EVC: variants seen among roughly 807,000 people sequenced by gnomAD.
The protein encoded by EVC is EvC ciliary complex subunit 1.
Under a neutral mutation model 118.9 loss-of-function variants are expected in EVC, and 116 were observed. The observed-to-expected ratio is 0.98, with a 90% CI of 0.84 to 1.14. EVC has a LOEUF of 1.14. Among genes scored for constraint, EVC ranks in the 50% most tolerant of loss-of-function variants. The pLI, the probability that EVC is intolerant of heterozygous loss-of-function variation, is 0.00. For missense variants in EVC, 1,401 were observed against 1,246.4 expected (o/e 1.12, Z -1.87); for synonymous variants, 619 against 534.7 (o/e 1.16, Z -2.18).
At chr4:5,744,354 G>A (rs1439616452) in intron 6 of EVC, among the ~76,000 whole-genome samples, 3 of 152,142 alleles carry the variant, frequency 2.0e-5, no homozygotes, top group South Asian at 2.1e-4. Flanking sequence ...TTATATCAAT[G>A]TTATTTTTCC....
chr4:5,728,074 A>G (rs546414046), intron 2 of EVC, among the ~76,000 whole-genome samples: 5 of 152,094 alleles, frequency 3.3e-5, no homozygotes, highest in Admixed American at 2.0e-4. Context: ...TTGGTTCCAT[A>G]TGAACTTTAA....
At chr4:5,735,202 G>C (rs1338087613) in intron 5 of EVC, among the ~76,000 whole-genome samples, 1 of 152,226 alleles carries the variant, frequency 6.6e-6, no homozygotes, top group Non-Finnish European at 1.5e-5. Flanking sequence ...AACGGTGGCA[G>C]GCAGCATGGC....
intron 7 of EVC, among the ~76,000 whole-genome samples, chr4:5,745,670 G>T (rs1729260171): frequency 6.6e-6 from 1 of 152,202 alleles, no homozygotes; most frequent in African/African-American, 2.4e-5. Flanking sequence ...AAGCTGCTAG[G>T]CATCACTCGT....
In EVC at chr4:5,715,891, G is replaced by C. The variant is rs575677604; in HGVS notation, c.175-3357G>C. On this transcript the variant is annotated intron_variant, in intron 1 of 20. Transcript: ENST00000264956. The stretch of plus-strand genomic sequence containing the variant: ...CCTGAGTAGCTGGGACTACAGGCAT[G>C]CGCCACCATGCCCAGCTAATTTTTG... Among the ~76,000 whole-genome samples, 243 of 152,068 alleles carry C rather than the reference G, an allele frequency of 1.6e-3. 2 individuals carry two copies. Among genetic ancestry groups the C allele is most frequent in the African/African-American group, 5.4e-3 (223 of 41,498 alleles).
At chr4:5,797,588 A>G (rs536787784) in intron 14 of EVC, among the ~76,000 whole-genome samples, 2 of 152,266 alleles carry the variant, frequency 1.3e-5, no homozygotes, top group South Asian at 4.2e-4. Flanking sequence ...ATATTGGATC[A>G]AGGCCCACGT....
chr4:5,818,049 C>T (rs527862617), downstream of EVC, among the ~76,000 whole-genome samples: 34 of 152,132 alleles, frequency 2.2e-4, no homozygotes, highest in Admixed American at 2.6e-4. Context: ...CCCATAATTC[C>T]GTGATGTGGG....
At chr4:5,739,633 T>G (rs553140902) in intron 5 of EVC, among the ~76,000 whole-genome samples, 13 of 152,342 alleles carry the variant, frequency 8.5e-5, no homozygotes, top group African/African-American at 3.1e-4. Context: ...TTCTTTTCCA[T>G]ATTGCCTGTA....
chr4:5,794,901 G>A (rs1471745632), intron 13 of EVC, among the ~76,000 whole-genome samples: 1 of 152,118 alleles, frequency 6.6e-6, no homozygotes, highest in Non-Finnish European at 1.5e-5. Context: ...GCCCCCTCTT[G>A]TAGACCCCAG....
intron 12 of EVC, among the ~76,000 whole-genome samples, chr4:5,790,586 G>A (rs1157240210): frequency 6.6e-6 from 1 of 152,172 alleles, no homozygotes; most frequent in Non-Finnish European, 1.5e-5. Context: ...TCAGGGAGGA[G>A]CATGGTGGAT....
At chr4:5,828,250 C>G in the EVC span, 2 of 985,418 alleles carry the variant, frequency 2.0e-6, no homozygotes, top group African/African-American at 1.7e-5. Context: ...CCCACCCTCA[C>G]GGGTGCACAC....
At chr4:5,804,970 T>A (rs1366502749) in intron 17 of EVC, 129 bp downstream of exon 17, 3 of 795,468 alleles carry the variant, frequency 3.8e-6, no homozygotes, top group Non-Finnish European at 6.4e-6. Flanking sequence ...TCGGCCTTCC[T>A]CACCCGCTGC....
intron 8 of EVC, among the ~76,000 whole-genome samples, chr4:5,748,762 A>T (rs952448439): frequency 5.7e-4 from 21 of 37,060 alleles, no homozygotes; most frequent in African/African-American, 1.3e-3. Context: ...CCATTTACTC[A>T]TCCATCCATC....
chr4:5,756,205 G>GAAAAA lies in EVC; in HGVS notation c.1465-48_1465-44dup. On this transcript the variant is annotated intron_variant, in intron 10 of 20. Coordinates refer to ENST00000264956, the MANE Select transcript of EVC (RefSeq NM_153717.3). This position sits in a 1 kb window ranked among gnomAD's most constrained non-coding sequence, Gnocchi z 4.2. ...CAGGGGATGGTTGGAGAACCTTCTG[G>GAAAAA]AAAAAAAAAAAAAAACCCTGCATGT... 1 of 1,206,350 alleles carries GAAAAA rather than the reference G, an allele frequency of 8.3e-7. No homozygotes were observed. The highest frequency in any genetic ancestry group is 1.2e-6 in the Non-Finnish European group (1 of 852,400). 74.7% of individuals were successfully genotyped at this position (1,206,350 alleles called of 1,614,324 possible).
At chr4:5,730,062 C>G (rs1027821314) in intron 3 of EVC, among the ~76,000 whole-genome samples, 2 of 152,172 alleles carry the variant, frequency 1.3e-5, no homozygotes, top group Non-Finnish European at 2.9e-5. Context: ...GGATGACGAG[C>G]TCTGGAGTCA....
Position 5,808,256 on chromosome 4 carries a change from C to G in EVC, c.2617C>G (p.Arg873Gly). 2 of 1,610,954 alleles carry G rather than the reference C, an allele frequency of 1.2e-6. No homozygotes were observed. Among genetic ancestry groups the G allele is most frequent in the Non-Finnish European group, 1.7e-6 (2 of 1,178,968 alleles). ...CCAGTTCCCAGTGCACCAGCAGATG[C>G]GTCTGCACGCCCAGCAGCAGCAGGC... ...LAQFPVHQQM[R>G]LHAQQQQAGV... is the part of the protein sequence containing the mutation. Residue 873 changes from arginine to glycine, a missense_variant, in exon 18 of 21, where the codon CGT becomes GGT. By Grantham distance (125) the Arg-to-Gly change is moderately radical. Coordinates refer to ENST00000264956, the MANE Select transcript of EVC (RefSeq NM_153717.3).
intron 11 of EVC, among the ~76,000 whole-genome samples, chr4:5,781,016 G>C (rs1054107239): frequency 2.6e-5 from 4 of 152,172 alleles, no homozygotes; most frequent in Admixed American, 6.5e-5. Context: ...TAGAGTCCAG[G>C]GATTCTGTTG....
intron 18 of EVC, among the ~76,000 whole-genome samples, chr4:5,809,222 C>G (rs1045119956): frequency 9.2e-5 from 14 of 152,210 alleles, no homozygotes; most frequent in African/African-American, 2.9e-4. Context: ...CCATCCTATT[C>G]TGCTGCACCT....
rs998651200 is a variant in EVC, at chr4:5,754,274, C to T, written c.1464+341C>T. On this transcript the variant is annotated intron_variant, in intron 10 of 20. Transcript: ENST00000264956. The surrounding 1 kb of genome is among the most constrained non-coding windows in gnomAD (Gnocchi z 5.8). Reference sequence around the variant, plus strand: ...CAATGTGTGGCCCAGAGGGGACAAGCATGTCCCGGAGAGTAAGGCAGGCTC... The same window carrying T: ...CAATGTGTGGCCCAGAGGGGACAAGTATGTCCCGGAGAGTAAGGCAGGCTC... Among the ~76,000 whole-genome samples the T allele has an allele frequency of 2.0e-5, 3 of 152,098 alleles. No homozygotes were observed. Among genetic ancestry groups the T allele is most frequent in the Admixed American group, 6.5e-5 (1 of 15,274 alleles).
intron 11 of EVC, among the ~76,000 whole-genome samples, chr4:5,760,302 C>A (rs1400403501): frequency 6.6e-6 from 1 of 152,026 alleles, no homozygotes; most frequent in Non-Finnish European, 1.5e-5. Context: ...AAAATGACAT[C>A]CTTAGGAAGT....
Sources: allele counts gnomAD v4.1 joint callset (sites outside exome capture counted in the v4.1 genomes callset), GRCh38; gene constraint gnomAD v4.1.1; non-coding constraint Gnocchi (gnomAD v3.1); transcripts MANE v1.5; gene names NCBI Gene and HGNC (gene_info 2026-07-23, HGNC 2026-07-21).